CAMTA1: variants seen among roughly 807,000 people sequenced by gnomAD.
CAMTA1 encodes the protein calmodulin binding transcription activator 1.
CAMTA1 carries 27 observed loss-of-function variants against 170.9 expected under a neutral mutation model. That is an observed-to-expected ratio of 0.16 (90% CI 0.12 to 0.22). The LOEUF (loss-of-function observed/expected upper bound fraction) is 0.22. CAMTA1 is among the 10% of genes least tolerant of loss of function. The pLI is 1.00. For synonymous variants in CAMTA1, 833 were observed against 891.5 expected, an observed-to-expected ratio of 0.93 and a Z score of 1.17; for missense variants, 1,619 against 2,217.2, an observed-to-expected ratio of 0.73 and a Z score of 5.42.
chr1:6,866,155 G>A (rs1478514444), intron 3 of CAMTA1, among the ~76,000 whole-genome samples: 1 of 152,230 alleles, frequency 6.6e-6, no homozygotes, highest in East Asian at 1.9e-4. Context: ...TTATCTTAAA[G>A]TGAGAATTGT....
In CAMTA1 at chr1:7,736,607, CT is replaced by C; in HGVS notation, c.3263+68del. 1 of 1,468,954 alleles carries C rather than the reference CT, an allele frequency of 6.8e-7. No homozygotes were observed. Among genetic ancestry groups the C allele is most frequent in the African/African-American group, 1.4e-5 (1 of 72,246 alleles). The allele number at this position is 1,468,954 out of a possible 1,614,324, so 91.0% of individuals were successfully genotyped here. A position where few individuals can be genotyped will look rare whatever the true frequency, so the allele number is the denominator to read the frequency against. On this transcript the variant is annotated intron_variant, in intron 13 of 22. Coordinates refer to ENST00000303635, the MANE Select transcript of CAMTA1 (RefSeq NM_015215.4). This position sits in a 1 kb window ranked among gnomAD's most constrained non-coding sequence, Gnocchi z 4.5. ...TCCTCGCTCACATTCTTCCTGAGCA[CT>C]GCCACCCGTGGAAGAAATCTACCCA... is the stretch of plus-strand genomic sequence containing the variant.
chr1:6,868,170 A>G (rs1489620984), intron 3 of CAMTA1, among the ~76,000 whole-genome samples: 1 of 151,824 alleles, frequency 6.6e-6, no homozygotes, highest in Admixed American at 6.7e-5. Flanking sequence ...TGCAGAAAGC[A>G]TTATATAATG....
chr1:7,735,170 A>T (rs1351550717), intron 12 of CAMTA1, among the ~76,000 whole-genome samples: 1 of 152,162 alleles, frequency 6.6e-6, no homozygotes, highest in Non-Finnish European at 1.5e-5. Context: ...TAAGGAAAAA[A>T]CAGTCCGCAT....
At chr1:7,709,512 G>T (rs1195991836) in intron 11 of CAMTA1, among the ~76,000 whole-genome samples, 1 of 152,222 alleles carries the variant, frequency 6.6e-6, no homozygotes, top group Non-Finnish European at 1.5e-5. Context: ...ATGTGGATGT[G>T]AATCTAAAGC....
chr1:7,567,092 G>C (rs2095052470), intron 6 of CAMTA1, among the ~76,000 whole-genome samples: 1 of 152,266 alleles, frequency 6.6e-6, no homozygotes. Context: ...TGGGGACGGG[G>C]ACCTCAAGTG....
chr1:7,363,109 C>T (rs960341215), intron 5 of CAMTA1, among the ~76,000 whole-genome samples: 3 of 152,164 alleles, frequency 2.0e-5, no homozygotes, highest in Admixed American at 6.5e-5. Flanking sequence ...AAGTTTGAAA[C>T]GTGAGAGAGT....
intron 6 of CAMTA1, among the ~76,000 whole-genome samples, chr1:7,524,927 T>A (rs761203669): frequency 1.3e-5 from 2 of 152,156 alleles, no homozygotes; most frequent in East Asian, 3.9e-4. Context: ...AAAGGAACCC[T>A]GACAAACCAG....
intron 4 of CAMTA1, among the ~76,000 whole-genome samples, chr1:7,138,382 C>T (rs1645666682): frequency 1.3e-5 from 2 of 151,958 alleles, no homozygotes; most frequent in Non-Finnish European, 2.9e-5. Flanking sequence ...ATTTAAATGC[C>T]CTCCTTTAAT....
At chr1:7,739,604 G>A (rs1318700025) in intron 16 of CAMTA1, among the ~76,000 whole-genome samples, 7 of 152,314 alleles carry the variant, frequency 4.6e-5, no homozygotes, top group East Asian at 1.9e-4. Context: ...AGCAGAAGGC[G>A]AAAGTCACAT....
intron 1 of CAMTA1, 83 bp downstream of exon 1, chr1:6,785,658 G>A: frequency 1.4e-6 from 1 of 733,076 alleles, no homozygotes; most frequent in Non-Finnish European, 1.7e-6. Context: ...GGCATCGGCG[G>A]CGCCGGGCGG....
intron 6 of CAMTA1, among the ~76,000 whole-genome samples, chr1:7,478,453 G>C (rs549467489): frequency 2.6e-4 from 39 of 152,310 alleles, no homozygotes; most frequent in Admixed American, 4.6e-4. Flanking sequence ...GGCCTGGCCT[G>C]CCGACGCTCC....
chr1:7,738,568 C>A lies in CAMTA1; in HGVS notation c.4182+86C>A. 2 of 1,439,270 alleles carry A rather than the reference C, an allele frequency of 1.4e-6. No homozygotes were observed. The highest frequency in any genetic ancestry group is 2.7e-5 in the South Asian group (2 of 73,982). The allele number at this position is 1,439,270 out of a possible 1,614,324, so 89.2% of individuals were successfully genotyped here. On this transcript the variant is annotated intron_variant, in intron 16 of 22. Transcript: ENST00000303635. This position sits in a 1 kb window ranked among gnomAD's most constrained non-coding sequence, Gnocchi z 4.9. ...TATGGTCCATTTCCGAAGGTTGTGT[C>A]ATTTTCCTCCCCGTGAAGCCTTCGA...
At chr1:7,005,987 A>G (rs1454481643) in intron 3 of CAMTA1, among the ~76,000 whole-genome samples, 1 of 152,054 alleles carries the variant, frequency 6.6e-6, no homozygotes, top group Non-Finnish European at 1.5e-5. Context: ...CTGTTGGCGG[A>G]TTTTGGTGTT....
At chr1:6,881,110 A>G (rs1331261245) in intron 3 of CAMTA1, among the ~76,000 whole-genome samples, 1 of 152,188 alleles carries the variant, frequency 6.6e-6, no homozygotes, top group Non-Finnish European at 1.5e-5. Context: ...CATAGCTAGT[A>G]AGTGGTGCTG....
chr1:6,899,299 C>G (rs972367344), intron 3 of CAMTA1, among the ~76,000 whole-genome samples: 1 of 152,230 alleles, frequency 6.6e-6, no homozygotes, highest in South Asian at 2.1e-4. Flanking sequence ...AAATAAATGA[C>G]TGCTTTCTTA....
chr1:6,874,148 G>T (rs892793295), intron 3 of CAMTA1: 2 of 152,260 alleles, frequency 1.3e-5, no homozygotes, highest in African/African-American at 4.8e-5. Flanking sequence ...CTGTATGACA[G>T]ACACACTGGG....
chr1:7,680,275 T>C lies in CAMTA1; in HGVS notation c.2914+2542T>C. On this transcript the variant is annotated intron_variant, in intron 11 of 22. Transcript: ENST00000303635. This position sits in a 1 kb window ranked among gnomAD's most constrained non-coding sequence, Gnocchi z 4.4. Reference sequence around the variant, plus strand: ...CCCTCCCCTCGGTCTCCGCAGCTTCTCGGCTCAGCCCCTCCCGTCCCCGCG... The same window carrying C: ...CCCTCCCCTCGGTCTCCGCAGCTTCCCGGCTCAGCCCCTCCCGTCCCCGCG... 4.5e-6 allele frequency: 1 copy of C among 220,670 alleles called. No homozygotes were observed. Among genetic ancestry groups the C allele is most frequent in the Non-Finnish European group, 9.8e-6 (1 of 102,446 alleles). The allele number at this position is 220,670 out of a possible 1,614,324, so 13.7% of individuals were successfully genotyped here. A position where few individuals can be genotyped will look rare whatever the true frequency, so the allele number is the denominator to read the frequency against.
intron 6 of CAMTA1, among the ~76,000 whole-genome samples, chr1:7,601,342 G>C (rs1053890129): frequency 1.7e-4 from 26 of 151,720 alleles, no homozygotes; most frequent in African/African-American, 6.1e-4. Flanking sequence ...CATCCCAGAC[G>C]GGGCGGCAGG....
intron 11 of CAMTA1, among the ~76,000 whole-genome samples, chr1:7,728,999 T>C (rs2149873364): frequency 6.6e-6 from 1 of 152,300 alleles, no homozygotes; most frequent in Middle Eastern, 3.4e-3. Context: ...CCTGTGTCTG[T>C]CCATCCATAG....
Sources: allele counts gnomAD v4.1 joint callset (sites outside exome capture counted in the v4.1 genomes callset), GRCh38; gene constraint gnomAD v4.1.1; non-coding constraint Gnocchi (gnomAD v3.1); transcripts MANE v1.5; gene names NCBI Gene and HGNC (gene_info 2026-07-23, HGNC 2026-07-21).